SLC39A11: variants seen among roughly 807,000 people sequenced by gnomAD.
SLC39A11 encodes the protein zinc transporter ZIP11.
SLC39A11 carries 33 observed loss-of-function variants against 36.1 expected under a neutral mutation model. The observed-to-expected ratio is 0.91, with a 90% CI of 0.69 to 1.22. The LOEUF is 1.22. Ranked by LOEUF, SLC39A11 falls within the 50% of genes most tolerant of loss-of-function variation. The pLI, the probability that SLC39A11 is intolerant of heterozygous loss-of-function variation, is 0.00. For missense variants in SLC39A11, 432 were observed against 430.3 expected, an observed-to-expected ratio of 1.00 and a Z score of -0.03; for synonymous variants, 166 against 170.3, an observed-to-expected ratio of 0.97 and a Z score of 0.20.
intron 5 of SLC39A11, among the ~76,000 whole-genome samples, chr17:72,890,288 A>C (rs555946667): frequency 0.02 from 3,013 of 149,238 alleles, 34 homozygotes; most frequent in Non-Finnish European, 0.022. Flanking sequence ...CAACAACAAA[A>C]AAAAAAAAAA....
intron 4 of SLC39A11, among the ~76,000 whole-genome samples, chr17:72,967,369 T>TCAGAGAGAGAGA (rs1555655710): frequency 1.3e-4 from 2 of 15,904 alleles, no homozygotes; most frequent in Non-Finnish European, 2.9e-4. Flanking sequence ...ATAAGCATGC[T>TCAGAGAGAGAGA]CAGAGAGAGA....
intron 4 of SLC39A11, among the ~76,000 whole-genome samples, chr17:72,978,606 G>C (rs2088047000): frequency 6.6e-6 from 1 of 152,080 alleles, no homozygotes; most frequent in South Asian, 2.1e-4. Flanking sequence ...GTGGGACAGG[G>C]CTTGGGGAGC....
At chr17:72,880,413 CA>C (rs141835863) in intron 5 of SLC39A11, among the ~76,000 whole-genome samples, 4 of 150,798 alleles carry the variant, frequency 2.7e-5, no homozygotes, top group Non-Finnish European at 4.4e-5. Flanking sequence ...TACTCCCCCA[CA>C]AAAAAAAACC....
chr17:73,047,166 A>G (rs1416297799), intron 3 of SLC39A11, among the ~76,000 whole-genome samples: 1 of 151,818 alleles, frequency 6.6e-6, no homozygotes, highest in Non-Finnish European at 1.5e-5. Flanking sequence ...CTGGGACTAC[A>G]GGCTCCCGCC....
chr17:72,666,599 G>A (rs575797641), intron 7 of SLC39A11, among the ~76,000 whole-genome samples: 22 of 152,292 alleles, frequency 1.4e-4, no homozygotes, highest in Admixed American at 4.6e-4. Context: ...TTGTTTAGAC[G>A]GATCTATACC....
rs1037917203 is a variant in SLC39A11, at chr17:72,679,079, T to G, written c.672-29811A>C. On this transcript the variant is annotated intron_variant, in intron 7 of 9. Transcript: ENST00000255559. ...GTGGGAGCTACAAAAGTTGATCTCA[T>G]GCTGGTAGAGTAGAATGGTGGCTAC... Among the ~76,000 whole-genome samples the G allele has an allele frequency of 2.0e-5, 3 of 152,228 alleles. No homozygotes were observed. The East Asian group carries it at 5.8e-4, about 29-fold the overall frequency.
At chr17:72,978,127 G>C (rs2088000360) in intron 4 of SLC39A11, among the ~76,000 whole-genome samples, 1 of 152,240 alleles carries the variant, frequency 6.6e-6, no homozygotes, top group Non-Finnish European at 1.5e-5. Context: ...GTGAGAATCT[G>C]GGCTGTCGTC....
chr17:72,883,770 G>T (rs2081323298), intron 5 of SLC39A11, among the ~76,000 whole-genome samples: 1 of 152,188 alleles, frequency 6.6e-6, no homozygotes, highest in African/African-American at 2.4e-5. Flanking sequence ...TATTGTGGAG[G>T]GAAGGGGATG....
At chr17:72,811,878 C>T (rs942851023) in intron 6 of SLC39A11, among the ~76,000 whole-genome samples, 1 of 152,148 alleles carries the variant, frequency 6.6e-6, no homozygotes, top group East Asian at 1.9e-4. Flanking sequence ...TAGCTTAGTG[C>T]AATGAATATA....
intron 5 of SLC39A11, among the ~76,000 whole-genome samples, chr17:72,909,232 A>G (rs1404622394): frequency 6.6e-6 from 1 of 152,206 alleles, no homozygotes; most frequent in African/African-American, 2.4e-5. Context: ...GGCCTCCCAA[A>G]GTGTTGAGAT....
intron 2 of SLC39A11, among the ~76,000 whole-genome samples, chr17:73,085,638 G>A (rs1223179170): frequency 7.5e-5 from 5 of 67,110 alleles, no homozygotes; most frequent in African/African-American, 2.3e-4. Context: ...GCAAAACTCC[G>A]CCTCAAAAAA....
At chr17:72,752,610 C>G (rs78932297) in intron 6 of SLC39A11, among the ~76,000 whole-genome samples, 215 of 152,182 alleles carry the variant, frequency 1.4e-3, no homozygotes, top group African/African-American at 4.9e-3. Flanking sequence ...CTCAGCTGGT[C>G]GCTAACTCCT....
chr17:72,788,386 C>A (rs575916665), intron 6 of SLC39A11, among the ~76,000 whole-genome samples: 2 of 152,188 alleles, frequency 1.3e-5, no homozygotes, highest in East Asian at 3.8e-4. Context: ...AATGACATGA[C>A]ATTAGCATCT....
rs2060312509 is a variant in SLC39A11, at chr17:73,076,142, T to A, written c.147+8666A>T. On this transcript the variant is annotated intron_variant, in intron 3 of 9. Transcript: ENST00000255559. ...TTTTTAATGGTAACCACTCTCCTAT[T>A]AAGTTCATGCCTCAGGCAAAAAAAA... is the stretch of plus-strand genomic sequence containing the variant. 2.0e-5 allele frequency among the ~76,000 whole-genome samples: 3 copies of A among 149,620 alleles called. No homozygotes were observed. In the South Asian group the frequency reaches 6.4e-4, roughly 32 times the overall value.
chr17:73,020,691 T>TTTTC (rs557959338), intron 4 of SLC39A11, among the ~76,000 whole-genome samples: 19,316 of 136,114 alleles, frequency 0.14, 2,543 homozygotes, highest in African/African-American at 0.32. Flanking sequence ...TTTTTTTTTT[T>TTTTC]TTTTTTTTTT....
chr17:72,757,987 G>A (rs2075426379), intron 6 of SLC39A11, among the ~76,000 whole-genome samples: 1 of 152,158 alleles, frequency 6.6e-6, no homozygotes, highest in South Asian at 2.1e-4. Flanking sequence ...CTGGGTTCAA[G>A]TGATTCTCCT....
chr17:72,863,786 G>T (rs1015535967), intron 5 of SLC39A11, among the ~76,000 whole-genome samples: 7 of 152,346 alleles, frequency 4.6e-5, no homozygotes, highest in Non-Finnish European at 7.3e-5. Flanking sequence ...CCAGGGATGG[G>T]AAAGAAGGTG....
At chr17:72,656,757 C>T (rs1265749429) in intron 7 of SLC39A11, among the ~76,000 whole-genome samples, 1 of 152,162 alleles carries the variant, frequency 6.6e-6, no homozygotes, top group Non-Finnish European at 1.5e-5. Flanking sequence ...AACCAGAGAA[C>T]CGCGAGGAAG....
chr17:72,702,156 A>G (rs940795604), intron 7 of SLC39A11, among the ~76,000 whole-genome samples: 14 of 152,230 alleles, frequency 9.2e-5, no homozygotes, highest in African/African-American at 3.4e-4. Context: ...TGGACAGATC[A>G]CTAACCTTGG....
Sources: gnomAD v4.1 joint callset for allele counts (sites outside exome capture counted in the v4.1 genomes callset) on GRCh38, gnomAD v4.1.1 for gene constraint, MANE v1.5 for transcripts, NCBI Gene and HGNC (gene_info 2026-07-23, HGNC 2026-07-21) for gene names.